Variants in CTNNA2 observed in about 807,000 individuals in gnomAD.
The protein encoded by CTNNA2 is catenin alpha-2.
CTNNA2 carries 42 observed loss-of-function variants against 101.0 expected under a neutral mutation model. The observed-to-expected ratio is 0.42, with a 90% CI of 0.32 to 0.54. CTNNA2 has a LOEUF of 0.54. CTNNA2 is among the 20% of genes least tolerant of loss of function. The pLI, the probability that CTNNA2 is intolerant of heterozygous loss-of-function variation, is 0.14. For synonymous variants in CTNNA2, 450 were observed against 456.4 expected (o/e 0.99, Z 0.18); for missense variants, 871 against 1,223.1 (o/e 0.71, Z 4.29).
chr2:80,324,601 G>A (rs1463035293), intron 7 of CTNNA2, among the ~76,000 whole-genome samples: 1 of 152,130 alleles, frequency 6.6e-6, no homozygotes, highest in Non-Finnish European at 1.5e-5. Context: ...TGGATGTGGG[G>A]GAGACTGATT....
chr2:79,256,445 T>A (rs1273482403), intron 2 of CTNNA2, among the ~76,000 whole-genome samples: 1 of 151,916 alleles, frequency 6.6e-6, no homozygotes, highest in Non-Finnish European at 1.5e-5. Flanking sequence ...CTAATGACTA[T>A]GAAATGAATA....
chr2:79,561,775 T>C (rs1674796484), intron 1 of CTNNA2, among the ~76,000 whole-genome samples: 1 of 151,954 alleles, frequency 6.6e-6, no homozygotes, highest in African/African-American at 2.4e-5. Flanking sequence ...AAATATCTAT[T>C]CAGATCTTTG....
intron 2 of CTNNA2, among the ~76,000 whole-genome samples, chr2:79,668,361 T>C (rs1161471547): frequency 6.6e-6 from 1 of 152,114 alleles, no homozygotes; most frequent in Non-Finnish European, 1.5e-5. Context: ...TTTTTTGTGA[T>C]TTAAGATATT....
At chr2:80,200,418 C>G (rs1014092750) in intron 7 of CTNNA2, among the ~76,000 whole-genome samples, 3 of 152,076 alleles carry the variant, frequency 2.0e-5, no homozygotes, top group Non-Finnish European at 4.4e-5. Flanking sequence ...TAATTGATAT[C>G]TGGAGTTCAG....
rs188667355 is a variant in CTNNA2 at position 80,555,602 on chromosome 2, A to G, written c.1541-91A>G. 6.3e-5 allele frequency: 43 copies of G among 678,158 alleles called. No homozygotes were observed. In the East Asian group the frequency reaches 1.2e-3, roughly 19 times the overall value. The allele number at this position is 678,158 out of a possible 1,614,324, so 42.0% of individuals were successfully genotyped here. On this transcript the variant is annotated intron_variant, in intron 11 of 18. Coordinates refer to ENST00000402739, the MANE Select transcript of CTNNA2 (RefSeq NM_001282597.3). ...TTAGGCATGCATTGAGATGTGTCCAAGGCAAGGGCTCATGAGAGTTGAATC... is the reference window on the plus strand; with the variant it reads ...TTAGGCATGCATTGAGATGTGTCCAGGGCAAGGGCTCATGAGAGTTGAATC...
intron 3 of CTNNA2, among the ~76,000 whole-genome samples, chr2:79,346,837 C>T (rs1189392127): frequency 6.6e-6 from 1 of 152,178 alleles, no homozygotes; most frequent in African/African-American, 2.4e-5. Flanking sequence ...TCTGAGGCAC[C>T]TCCACAAAGC....
chr2:80,279,544 AT>A (rs1404500214), intron 7 of CTNNA2, among the ~76,000 whole-genome samples: 1 of 151,850 alleles, frequency 6.6e-6, no homozygotes, highest in Non-Finnish European at 1.5e-5. Context: ...TATACTATTT[AT>A]TTTTTTCGCT....
intron 7 of CTNNA2, among the ~76,000 whole-genome samples, chr2:79,932,348 G>A (rs552452085): frequency 4.6e-5 from 7 of 152,310 alleles, no homozygotes; most frequent in Admixed American, 3.3e-4. Flanking sequence ...AGCTAACTGT[G>A]TGATGGAGAA....
intron 1 of CTNNA2, among the ~76,000 whole-genome samples, chr2:79,524,955 C>G (rs761072119): frequency 6.7e-6 from 1 of 149,650 alleles, no homozygotes; most frequent in Non-Finnish European, 1.5e-5. Context: ...CATGTCTTTT[C>G]TATATCTTGG....
At chr2:79,951,419 C>T (rs974538209) in intron 7 of CTNNA2, among the ~76,000 whole-genome samples, 2 of 152,134 alleles carry the variant, frequency 1.3e-5, no homozygotes, top group Non-Finnish European at 2.9e-5. Flanking sequence ...GTAATGCCAG[C>T]ACTTTCGGTG....
chr2:79,349,651 G>A lies in CTNNA2; in HGVS notation c.-317-24180G>A, dbSNP rs955113226. Among the ~76,000 whole-genome samples the A allele has an allele frequency of 4.6e-5, 7 of 152,142 alleles. No homozygotes were observed. In the East Asian group the frequency reaches 9.6e-4, roughly 21 times the overall value. On this transcript the variant is annotated intron_variant, in intron 3 of 21. Transcript: ENST00000466387. The stretch of plus-strand genomic sequence containing the variant: ...ATAGTATAATAGCCAACAATAGCTT[G>A]GAAGTCAGAGGAAGAATAGCATGAG...
At chr2:79,312,545 AC>A (rs2104401572) in intron 2 of CTNNA2, among the ~76,000 whole-genome samples, 1 of 152,348 alleles carries the variant, frequency 6.6e-6, no homozygotes, top group Non-Finnish European at 1.5e-5. Context: ...GCAAAATCAA[AC>A]AAAACTTGGA....
chr2:80,476,269 T>A, intron 9 of CTNNA2, among the ~76,000 whole-genome samples: 1 of 152,188 alleles, frequency 6.6e-6, no homozygotes, highest in East Asian at 1.9e-4. Context: ...CTCATGTTCA[T>A]GTCAATTAGG....
intron 7 of CTNNA2, among the ~76,000 whole-genome samples, chr2:80,292,182 C>T (rs908261139): frequency 1.3e-5 from 2 of 152,176 alleles, no homozygotes; most frequent in Admixed American, 6.5e-5. Flanking sequence ...AAACACTTAT[C>T]TAGTACTTGC....
At chr2:80,577,821 T>C (rs1410396599) in intron 13 of CTNNA2, among the ~76,000 whole-genome samples, 1 of 152,084 alleles carries the variant, frequency 6.6e-6, no homozygotes, top group African/African-American at 2.4e-5. Context: ...TGCCAACCTA[T>C]ATTCTCAGCC....
intron 2 of CTNNA2, among the ~76,000 whole-genome samples, chr2:79,258,496 C>A (rs952296392): frequency 6.6e-6 from 1 of 152,126 alleles, no homozygotes; most frequent in African/African-American, 2.4e-5. Flanking sequence ...ATTACTGATG[C>A]TTCTATCTGT....
At chr2:79,887,997 A>G (rs560807597) in intron 6 of CTNNA2, among the ~76,000 whole-genome samples, 128 of 152,310 alleles carry the variant, frequency 8.4e-4, no homozygotes, top group African/African-American at 2.9e-3. Context: ...CCCTGTAAAC[A>G]TACTACAATT....
At chr2:79,553,457 C>T (rs1674243088) in intron 1 of CTNNA2, among the ~76,000 whole-genome samples, 1 of 152,118 alleles carries the variant, frequency 6.6e-6, no homozygotes, top group Admixed American at 6.5e-5. Context: ...CTGTGTTGGT[C>T]TGTTTTTGCA....
intron 3 of CTNNA2, among the ~76,000 whole-genome samples, chr2:79,320,573 C>A (rs142130638): frequency 1.8e-3 from 268 of 152,312 alleles, no homozygotes; most frequent in African/African-American, 6.3e-3. Context: ...AAGTAAAGTT[C>A]TGCCTCTTGC....
Sources: allele counts gnomAD v4.1 joint callset (sites outside exome capture counted in the v4.1 genomes callset), GRCh38; gene constraint gnomAD v4.1.1; transcripts MANE v1.5; gene names NCBI Gene and HGNC (gene_info 2026-07-23, HGNC 2026-07-21).